IL1RAPL2: variants seen among roughly 807,000 people sequenced by gnomAD.
The protein encoded by IL1RAPL2 is interleukin 1 receptor accessory protein like 2.
IL1RAPL2 carries 3 observed loss-of-function variants against 44.1 expected under a neutral mutation model. The observed-to-expected ratio is 0.07, with a 90% CI of 0.03 to 0.18. The LOEUF (loss-of-function observed/expected upper bound fraction) is 0.18. Ranked by LOEUF, IL1RAPL2 falls within the 10% of genes least tolerant of loss-of-function variation. The pLI, the probability that IL1RAPL2 is intolerant of heterozygous loss-of-function variation, is 1.00. For synonymous variants in IL1RAPL2, 181 were observed against 178.8 expected (o/e 1.01, Z -0.10); for missense variants, 391 against 496.4 (o/e 0.79, Z 2.02).
At chrX:105,302,791 AAGCTC>A (rs2034706379) in intron 5 of IL1RAPL2, among the ~76,000 whole-genome samples, 1 of 111,897 alleles carries the variant, frequency 8.9e-6, no homozygotes, top group Admixed American at 9.5e-5. Flanking sequence ...CACTGGCTGT[AAGCTC>A]AGCACAGAAC....
chrX:104,736,866 A>T (rs1328790711), intron 2 of IL1RAPL2, among the ~76,000 whole-genome samples: 1 of 112,162 alleles, frequency 8.9e-6, no homozygotes. Context: ...ACTTTTCAGT[A>T]AGCCAAAAAT....
intron 1 of IL1RAPL2, among the ~76,000 whole-genome samples, chrX:104,613,806 GTTTTTTTT>G (rs60588678): frequency 6.5e-5 from 4 of 61,882 alleles, no homozygotes; most frequent in Admixed American, 1.9e-4. Flanking sequence ...TCCAGGGCAT[GTTTTTTTT>G]TTTTTTTTTT....
chrX:105,400,826 G>T (rs1165503989), intron 5 of IL1RAPL2, among the ~76,000 whole-genome samples: 1 of 111,672 alleles, frequency 9.0e-6, no homozygotes, highest in Admixed American at 9.6e-5. Context: ...ATTAAAAACT[G>T]AATACAATAT....
At chrX:104,585,287 ATATATTATATATTATATAT>A (rs1928505669) in intron 1 of IL1RAPL2, among the ~76,000 whole-genome samples, 1 of 8,200 alleles carries the variant, frequency 1.2e-4, no homozygotes, top group Non-Finnish European at 1.7e-4. Flanking sequence ...ATATTATATA[ATATATTATATATTATATAT>A]TATATAATAT....
intron 6 of IL1RAPL2, among the ~76,000 whole-genome samples, chrX:105,583,415 T>TGAC (rs777710131): frequency 8.9e-6 from 1 of 111,996 alleles, no homozygotes; most frequent in South Asian, 3.7e-4. Flanking sequence ...ATTACAGGCG[T>TGAC]GAGCTACGGC....
chrX:105,063,362 C>A (rs941486634), intron 2 of IL1RAPL2, among the ~76,000 whole-genome samples: 2 of 112,469 alleles, frequency 1.8e-5, no homozygotes, highest in African/African-American at 6.5e-5. Flanking sequence ...ATTTTGAATT[C>A]TCTGTCTGAA....
chrX:104,698,807 G>C (rs779447090), intron 2 of IL1RAPL2, among the ~76,000 whole-genome samples: 1 of 111,760 alleles, frequency 8.9e-6, no homozygotes, highest in Admixed American at 9.5e-5. Flanking sequence ...TGTAGAACAA[G>C]TATATTTGTC....
intron 6 of IL1RAPL2, among the ~76,000 whole-genome samples, chrX:105,641,124 G>A (rs780325718): frequency 7.7e-4 from 86 of 111,445 alleles, no homozygotes; most frequent in Non-Finnish European, 1.1e-3. Context: ...AAATAAAAAC[G>A]TGAGGCCATT....
At chrX:105,401,910 A>G (rs1021523533) in intron 5 of IL1RAPL2, among the ~76,000 whole-genome samples, 31 of 110,376 alleles carry the variant, frequency 2.8e-4, no homozygotes, top group Non-Finnish European at 4.9e-4. Flanking sequence ...AAAACTACTT[A>G]TTCTATTAAT....
chrX:104,905,444 A>G (rs1923959403), intron 2 of IL1RAPL2, among the ~76,000 whole-genome samples: 1 of 111,789 alleles, frequency 8.9e-6, no homozygotes, highest in South Asian at 3.7e-4. Context: ...TAGGTCTAAC[A>G]TTTAAGTCTT....
intron 5 of IL1RAPL2, among the ~76,000 whole-genome samples, chrX:105,435,838 A>G (rs1185285210): frequency 2.7e-5 from 3 of 111,080 alleles, no homozygotes; most frequent in Admixed American, 1.9e-4. Context: ...TGGCAATTGA[A>G]CAATTAGAAT....
chrX:105,727,958 C>T (rs981835364), intron 7 of IL1RAPL2, among the ~76,000 whole-genome samples: 3 of 111,220 alleles, frequency 2.7e-5, no homozygotes, highest in Non-Finnish European at 5.7e-5. Flanking sequence ...CCACAAGACT[C>T]CCCCCACTAT....
At chrX:104,677,188 C>T (rs923307560) in intron 2 of IL1RAPL2, among the ~76,000 whole-genome samples, 88 of 111,647 alleles carry the variant, frequency 7.9e-4, no homozygotes, top group Middle Eastern at 4.7e-3. Context: ...TTTTAGAGTT[C>T]CCAGTTTTCC....
At chrX:104,906,923 T>G (rs1369361472) in intron 2 of IL1RAPL2, among the ~76,000 whole-genome samples, 1 of 111,679 alleles carries the variant, frequency 9.0e-6, no homozygotes, top group Non-Finnish European at 1.9e-5. Context: ...CTGTGAATCC[T>G]TCTGGTCCTG....
chrX:105,077,601 A>G (rs1268062598), intron 2 of IL1RAPL2, among the ~76,000 whole-genome samples: 1 of 111,482 alleles, frequency 9.0e-6, no homozygotes, highest in Non-Finnish European at 1.9e-5. Context: ...GCCTTGCTAG[A>G]TTGGGGAAAT....
At chrX:104,800,467 C>T (rs1476043466) in intron 2 of IL1RAPL2, among the ~76,000 whole-genome samples, 1 of 111,691 alleles carries the variant, frequency 9.0e-6, no homozygotes, top group Non-Finnish European at 1.9e-5. Context: ...ATCAGTGACA[C>T]TGTGTGCATA....
At chrX:105,019,284 C>T (rs779768916) in intron 2 of IL1RAPL2, among the ~76,000 whole-genome samples, 1 of 111,332 alleles carries the variant, frequency 9.0e-6, no homozygotes, top group South Asian at 3.7e-4. Flanking sequence ...TGAAGAAAAC[C>T]ATACCTTCAA....
intron 6 of IL1RAPL2, among the ~76,000 whole-genome samples, chrX:105,651,260 A>G (rs1307611119): frequency 8.9e-6 from 1 of 111,770 alleles, no homozygotes; most frequent in Non-Finnish European, 1.9e-5. Context: ...CCTGAAAGAC[A>G]ATCATTAGGA....
intron 5 of IL1RAPL2, among the ~76,000 whole-genome samples, chrX:105,377,594 A>G (rs774100018): frequency 8.9e-5 from 10 of 111,863 alleles, no homozygotes; most frequent in Middle Eastern, 4.6e-3. Context: ...TTTATGCTGC[A>G]TCCAGCACTT....
Sources: allele counts gnomAD v4.1 joint callset (sites outside exome capture counted in the v4.1 genomes callset), GRCh38; gene constraint gnomAD v4.1.1; transcripts MANE v1.5; gene names NCBI Gene and HGNC (gene_info 2026-07-23, HGNC 2026-07-21).